The following TENM4 variants were observed in gnomAD, a reference collection of about 807,000 sequenced individuals.
TENM4 encodes teneurin-4.
In TENM4, 82 loss-of-function variants were observed where a neutral mutation model predicts 243.3. The observed-to-expected ratio is 0.34, with a 90% CI of 0.28 to 0.40. TENM4 has a LOEUF of 0.40. Ranked by LOEUF, TENM4 falls within the 10% of genes least tolerant of loss-of-function variation. TENM4 has a pLI of 1.00. For synonymous variants in TENM4, 1,412 were observed against 1,456.3 expected (o/e 0.97, Z 0.69); for missense variants, 3,138 against 3,673.3 (o/e 0.85, Z 3.77).
chr11:79,130,952 T>C (rs948128623), intron 4 of TENM4, among the ~76,000 whole-genome samples: 1 of 152,112 alleles, frequency 6.6e-6, no homozygotes, highest in Non-Finnish European at 1.5e-5. Context: ...AGACAAGGTC[T>C]TAGAATTAAC....
intron 31 of TENM4, 96 bp downstream of exon 31, chr11:78,671,937 C>A: frequency 7.0e-7 from 1 of 1,430,394 alleles, no homozygotes; most frequent in Non-Finnish European, 9.4e-7. Flanking sequence ...TGACATGGGT[C>A]AGATACAGCC....
intron 4 of TENM4, among the ~76,000 whole-genome samples, chr11:79,090,331 C>T (rs1203929682): frequency 6.6e-6 from 1 of 152,250 alleles, no homozygotes; most frequent in Non-Finnish European, 1.5e-5. Context: ...TGCCAAACCT[C>T]TAATTGGTTA....
intron 4 of TENM4, among the ~76,000 whole-genome samples, chr11:79,083,578 G>T (rs531455815): frequency 4.6e-5 from 7 of 152,304 alleles, no homozygotes; most frequent in Admixed American, 4.6e-4. Context: ...GTGACAGGGA[G>T]CTTACTCCTA....
intron 2 of TENM4, among the ~76,000 whole-genome samples, chr11:79,260,170 C>A (rs957730254): frequency 6.6e-6 from 1 of 152,164 alleles, no homozygotes; most frequent in East Asian, 1.9e-4. Context: ...TTAAGGGCAT[C>A]GGTGAGCCGA....
chr11:79,231,017 C>T (rs1349147343), intron 2 of TENM4, among the ~76,000 whole-genome samples: 2 of 152,176 alleles, frequency 1.3e-5, no homozygotes, highest in African/African-American at 4.8e-5. Flanking sequence ...TGGGGAAACC[C>T]ACTTCCAACC....
intron 1 of TENM4, among the ~76,000 whole-genome samples, chr11:79,352,775 G>T (rs376955033): frequency 1.3e-5 from 2 of 152,270 alleles, no homozygotes; most frequent in East Asian, 3.9e-4. Flanking sequence ...GGAAGAGAGC[G>T]GGAGACAAAA....
At chr11:78,896,207 T>C (rs555014645) in intron 7 of TENM4, among the ~76,000 whole-genome samples, 1 of 152,224 alleles carries the variant, frequency 6.6e-6, no homozygotes, top group East Asian at 1.9e-4. Context: ...ACAGCCACAA[T>C]TGCCTCTGAT....
At chr11:78,782,158 C>T (rs60399168) in intron 16 of TENM4, among the ~76,000 whole-genome samples, 2,081 of 152,282 alleles carry the variant, frequency 0.014, 16 homozygotes, top group African/African-American at 0.03. Context: ...TGATAGCTAT[C>T]ATTCAAAAGC....
intron 6 of TENM4, among the ~76,000 whole-genome samples, chr11:78,912,968 AC>A (rs1202696735): frequency 4.6e-5 from 7 of 152,340 alleles, no homozygotes; most frequent in African/African-American, 1.7e-4. Context: ...CTTGGGCAAA[AC>A]ACTTAACCTA....
chr11:78,691,996 C>T (rs1858839046), intron 28 of TENM4, among the ~76,000 whole-genome samples: 1 of 152,148 alleles, frequency 6.6e-6, no homozygotes, highest in South Asian at 2.1e-4. Context: ...CACCTTTGCC[C>T]TGTGAGCCAC....
intron 18 of TENM4, among the ~76,000 whole-genome samples, chr11:78,769,098 T>A (rs562231104): frequency 6.6e-6 from 1 of 152,348 alleles, no homozygotes; most frequent in South Asian, 2.1e-4. Context: ...GACTTTTGAC[T>A]TGTGAGAAGG....
intron 4 of TENM4, among the ~76,000 whole-genome samples, chr11:79,074,210 T>A (rs550077210): frequency 4.6e-5 from 7 of 152,286 alleles, no homozygotes; most frequent in African/African-American, 1.7e-4. Flanking sequence ...TTTGAACAGA[T>A]GGGAGGTCAG....
At chr11:79,324,313 T>C (rs1856938884) in intron 1 of TENM4, among the ~76,000 whole-genome samples, 1 of 152,054 alleles carries the variant, frequency 6.6e-6, no homozygotes, top group African/African-American at 2.4e-5. Flanking sequence ...CCTCAAACTC[T>C]TAGGCTCAAG....
chr11:78,699,826 A>C (rs1236716508), intron 28 of TENM4, among the ~76,000 whole-genome samples: 1 of 152,210 alleles, frequency 6.6e-6, no homozygotes, highest in African/African-American at 2.4e-5. Flanking sequence ...GATCTGAGGG[A>C]GTGACTTTGG....
At chr11:78,798,505 A>G (rs1857211500) in intron 15 of TENM4, among the ~76,000 whole-genome samples, 1 of 152,210 alleles carries the variant, frequency 6.6e-6, no homozygotes, top group South Asian at 2.1e-4. Flanking sequence ...GAGAGAGCCA[A>G]AGAAAGAGAT....
At chr11:79,094,257 G>A (rs912478228) in intron 4 of TENM4, among the ~76,000 whole-genome samples, 8 of 152,344 alleles carry the variant, frequency 5.3e-5, no homozygotes, top group African/African-American at 1.9e-4. Context: ...CTTCCTGAGT[G>A]CCTGTGATGG....
At chr11:78,713,983 T>A (rs1418561906) in intron 25 of TENM4, among the ~76,000 whole-genome samples, 1 of 152,130 alleles carries the variant, frequency 6.6e-6, no homozygotes, top group Non-Finnish European at 1.5e-5. Context: ...CCGGAAGGTA[T>A]TTTGATTCAA....
At chr11:79,371,881 C>A (rs1857795039) in intron 1 of TENM4, among the ~76,000 whole-genome samples, 1 of 152,152 alleles carries the variant, frequency 6.6e-6, no homozygotes, top group African/African-American at 2.4e-5. Context: ...ACCTTTTATC[C>A]TGATGATTGG....
At chr11:79,356,483 C>T (rs887180821) in intron 1 of TENM4, among the ~76,000 whole-genome samples, 1 of 152,152 alleles carries the variant, frequency 6.6e-6, no homozygotes, top group African/African-American at 2.4e-5. Context: ...GGAGAAAGAC[C>T]ACTTCTGGAA....
Sources: allele counts gnomAD v4.1 joint callset (sites outside exome capture counted in the v4.1 genomes callset), GRCh38; gene constraint gnomAD v4.1.1; transcripts MANE v1.5; gene names NCBI Gene and HGNC (gene_info 2026-07-23, HGNC 2026-07-21).